Variants in CEP192 observed in about 807,000 individuals in gnomAD.
The protein encoded by CEP192 is centrosomal protein 192.
Under a neutral mutation model 271.8 loss-of-function variants are expected in CEP192, and 151 were observed. The ratio of observed to expected loss-of-function variants is 0.56; its 90% CI spans 0.49 to 0.64. CEP192 has a LOEUF of 0.64. Among genes scored for constraint, CEP192 ranks in the 30% least tolerant of loss-of-function variants. CEP192 has a pLI of 0.00. For missense variants in CEP192, 2,910 were observed against 3,020.5 expected (o/e 0.96, Z 0.86); for synonymous variants, 995 against 1,076.5 (o/e 0.92, Z 1.48).
intron 30 of CEP192, among the ~76,000 whole-genome samples, chr18:13,083,897 G>T (rs773867177): frequency 6.6e-6 from 1 of 152,156 alleles, no homozygotes; most frequent in Non-Finnish European, 1.5e-5. Flanking sequence ...GTCTGTTGGA[G>T]TTTGCTGGAG....
At chr18:13,017,554 C>A (rs1006958462) in intron 7 of CEP192, among the ~76,000 whole-genome samples, 3 of 152,200 alleles carry the variant, frequency 2.0e-5, no homozygotes, top group African/African-American at 7.2e-5. Flanking sequence ...CAATGGACAT[C>A]TACACCCTCT....
intron 34 of CEP192, among the ~76,000 whole-genome samples, 153 bp from the exon 35 acceptor site, chr18:13,095,350 A>G (rs2039341593): frequency 6.6e-6 from 1 of 152,232 alleles, no homozygotes; most frequent in Non-Finnish European, 1.5e-5. Context: ...TATTCACTAA[A>G]AAATACCTGA....
chr18:13,008,438 T>C lies in CEP192; in HGVS notation c.291-18T>C. On this transcript the variant is annotated intron_variant, in intron 3 of 44. Transcript: ENST00000506447. Reference sequence around the variant, plus strand: ...GGTAACTAACATTTTATCATTCTTCTGTTTCCTAATAAAAAAGTTCTATCT... The same window carrying C: ...GGTAACTAACATTTTATCATTCTTCCGTTTCCTAATAAAAAAGTTCTATCT... 1 of 1,486,070 alleles carries C rather than the reference T, an allele frequency of 6.7e-7. No homozygotes were observed. The allele number at this position is 1,486,070 out of a possible 1,614,324, so 92.1% of individuals were successfully genotyped here.
At chr18:13,123,807 C>A (rs1008605145) in intron 44 of CEP192, among the ~76,000 whole-genome samples, 3 of 152,120 alleles carry the variant, frequency 2.0e-5, no homozygotes, top group Non-Finnish European at 4.4e-5. Flanking sequence ...AACCATAGGG[C>A]ACTTGTTACC....
intron 17 of CEP192, among the ~76,000 whole-genome samples, chr18:13,051,753 C>T (rs1042660136): frequency 3.3e-5 from 5 of 152,122 alleles, no homozygotes; most frequent in Admixed American, 1.3e-4. Flanking sequence ...CCGTGTTAAA[C>T]GGGATGGTCT....
intron 39 of CEP192, 90 bp from the exon 40 acceptor site, chr18:13,104,894 G>C (rs936188984): frequency 1.0e-6 from 1 of 968,142 alleles, no homozygotes; most frequent in Admixed American, 1.8e-5. Context: ...GTGTTGGTGT[G>C]TTCTCCGCAG....
chr18:13,072,143 A>G (rs928024284), intron 28 of CEP192, among the ~76,000 whole-genome samples: 1 of 152,162 alleles, frequency 6.6e-6, no homozygotes, highest in Admixed American at 6.5e-5. Flanking sequence ...TTAGCTGCTG[A>G]TCTTCCCCAA....
intron 44 of CEP192, among the ~76,000 whole-genome samples, chr18:13,123,625 T>C (rs2040775434): frequency 6.6e-6 from 1 of 152,154 alleles, no homozygotes; most frequent in Admixed American, 6.6e-5. Flanking sequence ...GAACTTTCAC[T>C]TAAAAACGCC....
rs146992015 is a variant in CEP192, at chr18:13,096,300, G to C, written c.6550G>C (p.Ala2184Pro). 6.2e-7 allele frequency: 1 copy of C among 1,613,148 alleles called. No individual in the cohort carries two copies. Among genetic ancestry groups the C allele is most frequent in the African/African-American group, 1.3e-5 (1 of 74,910 alleles). Residue 2184 changes from alanine (A) to proline (P), a missense_variant, in exon 36 of 45, where the codon GCG becomes CCG. Physicochemically the swap from Ala to Pro is conservative, Grantham distance 27. Coordinates refer to ENST00000506447, the MANE Select transcript of CEP192 (RefSeq NM_032142.4). ...LTVTPQHGCV[A>P]PESKLQILVS... is the part of the protein sequence containing the mutation. ...AGTCACGCCGCAGCATGGATGTGTC[G>C]CGCCAGAGTAAGTCTGACTTCTGTG... is the stretch of plus-strand genomic sequence containing the variant.
intron 18 of CEP192, among the ~76,000 whole-genome samples, chr18:13,054,331 C>T (rs1267275188): frequency 2.6e-5 from 4 of 152,200 alleles, no homozygotes; most frequent in Non-Finnish European, 5.9e-5. Flanking sequence ...TAGCTATTTT[C>T]GTGTGTGGAC....
chr18:13,033,892 A>AC (rs1329816674), intron 11 of CEP192, among the ~76,000 whole-genome samples: 1 of 152,224 alleles, frequency 6.6e-6, no homozygotes, highest in Admixed American at 6.5e-5. Context: ...GAAAGATAAA[A>AC]CAAGATACTG....
chr18:13,058,826 T>C (rs2037255368), intron 20 of CEP192: 4 of 478,878 alleles, frequency 8.4e-6, no homozygotes, highest in Non-Finnish European at 1.1e-5. Flanking sequence ...GACAAGTGAG[T>C]GTAAGGGTCA....
chr18:13,054,488 G>T (rs1345989252), intron 18 of CEP192, among the ~76,000 whole-genome samples: 2 of 152,168 alleles, frequency 1.3e-5, no homozygotes, highest in Non-Finnish European at 2.9e-5. Flanking sequence ...TTTGAAAGCT[G>T]TCTTTTTCAT....
At position 13,056,132 on chromosome 18, in the gene CEP192, C is replaced by G. The variant is rs759638699; in HGVS notation, c.3542C>G (p.Ser1181Ter). The change falls in exon 19 of 45, where the codon TCA becomes TGA. Residue 1181 changes from serine to a stop codon, truncating the protein, a stop_gained. Coordinates refer to ENST00000506447, the MANE Select transcript of CEP192 (RefSeq NM_032142.4). LOFTEE classifies it high-confidence loss of function. ...GKSGLSCQVG[S>*]ATSHPVSCQE... Reference sequence around the variant, plus strand: ...TCAGGTCTGAGCTGTCAGGTGGGGTCAGCCACATCACACCCTGTGTCCTGC... The same window carrying G: ...TCAGGTCTGAGCTGTCAGGTGGGGTGAGCCACATCACACCCTGTGTCCTGC... 6.2e-7 allele frequency: 1 copy of G among 1,613,000 alleles called. No individual in the cohort carries two copies. The highest frequency in any genetic ancestry group is 1.1e-5 in the South Asian group (1 of 90,836).
intron 36 of CEP192, among the ~76,000 whole-genome samples, chr18:13,098,718 C>T (rs2039549608): frequency 6.8e-6 from 1 of 148,012 alleles, no homozygotes; most frequent in Admixed American, 6.7e-5. Flanking sequence ...GCAGAGGGGC[C>T]CCTCACATCC....
intron 33 of CEP192, among the ~76,000 whole-genome samples, chr18:13,089,810 T>A (rs140770507): frequency 1.3e-5 from 2 of 152,236 alleles, no homozygotes; most frequent in Non-Finnish European, 2.9e-5. Flanking sequence ...AGAGTTGTTA[T>A]AAGTATTCGA....
intron 34 of CEP192, among the ~76,000 whole-genome samples, 166 bp from the exon 35 acceptor site, chr18:13,095,337 T>G (rs1374158393): frequency 1.3e-5 from 2 of 152,228 alleles, no homozygotes; most frequent in Non-Finnish European, 2.9e-5. Flanking sequence ...TATGAATAAC[T>G]TTTATTCACT....
intron 44 of CEP192, among the ~76,000 whole-genome samples, chr18:13,119,343 A>T (rs561280899): frequency 6.6e-6 from 1 of 152,330 alleles, no homozygotes; most frequent in East Asian, 1.9e-4. Context: ...ATATTTTTAA[A>T]CATGCAGTGG....
At chr18:13,027,574 G>T (rs1014583196) in intron 9 of CEP192, among the ~76,000 whole-genome samples, 4 of 152,106 alleles carry the variant, frequency 2.6e-5, no homozygotes, top group African/African-American at 9.7e-5. Context: ...CAGTTTTAGA[G>T]GCCCCAGTTT....
Sources: allele counts gnomAD v4.1 joint callset (sites outside exome capture counted in the v4.1 genomes callset), GRCh38; gene constraint gnomAD v4.1.1; transcripts MANE v1.5; gene names NCBI Gene and HGNC (gene_info 2026-07-23, HGNC 2026-07-21).